SLC5A10: variants seen among roughly 807,000 people sequenced by gnomAD.
The protein encoded by SLC5A10 is solute carrier family 5 member 10.
A neutral mutation model predicts 68.9 loss-of-function variants in SLC5A10; 55 were observed. The ratio of observed to expected loss-of-function variants is 0.80; its 90% confidence interval spans 0.64 to 1.00. SLC5A10 has a LOEUF of 1.00. SLC5A10 is among the 50% of genes least tolerant of loss of function. The pLI is 0.00. For missense variants in SLC5A10, 732 were observed against 819.3 expected (o/e 0.89, Z 1.30); for synonymous variants, 344 against 344.8 (o/e 1.00, Z 0.02).
Position 18,976,775 on chromosome 17 carries a change from CCT to C in SLC5A10, c.847-78_847-77del, listed in dbSNP as rs1425266232. The stretch of plus-strand genomic sequence containing the variant: ...ACATCATCGTGCCTCATGCCCATTC[CCT>C]GAGGCCCACCAAGGACCAATCCTGA... On this transcript the variant is annotated intron_variant, in intron 8 of 14. Transcript: ENST00000395645. 38 of 1,565,196 alleles carry C rather than the reference CCT, an allele frequency of 2.4e-5. No individual in the cohort carries two copies. The East Asian group carries it at 7.9e-4, about 33-fold the overall frequency.
rs957715790 is a variant in SLC5A10, at chr17:19,022,378, C to T, written c.*1947C>T. 35 of 394,750 alleles carry T rather than the reference C, an allele frequency of 8.9e-5. No homozygotes were observed. Among genetic ancestry groups the T allele is most frequent in the African/African-American group, 1.2e-4 (6 of 48,478 alleles). 24.5% of individuals were successfully genotyped at this position (394,750 alleles called of 1,614,324 possible). A position where few individuals can be genotyped will look rare whatever the true frequency, so the allele number is the denominator to read the frequency against. ...TCTACATAGAACACGGCTTTCCCAG[C>T]CGCCCAGCTGGGACAATAGGGCTGG... On this transcript the variant is annotated 3_prime_UTR_variant, in exon 15 of 15. Transcript: ENST00000395645.
Position 18,968,932 on chromosome 17 carries a change from C to A in SLC5A10, c.454-120C>A. On this transcript the variant is annotated intron_variant, in intron 5 of 14. Coordinates refer to ENST00000395645, the MANE Select transcript of SLC5A10 (RefSeq NM_001042450.4). The surrounding 1 kb of genome is among the most constrained non-coding windows in gnomAD (Gnocchi z 4.1). ...TGCAGGCAGGCAGGCGAGTGGGGGT[C>A]TCCCCTCCTTATCCACAGGCCACCG... The A allele has an allele frequency of 2.5e-6, 2 of 806,996 alleles. No homozygotes were observed. Among genetic ancestry groups the A allele is most frequent in the Non-Finnish European group, 3.8e-6 (2 of 528,368 alleles). The allele number at this position is 806,996 out of a possible 1,614,324, so 50.0% of individuals were successfully genotyped here. A position where few individuals can be genotyped will look rare whatever the true frequency, so the allele number is the denominator to read the frequency against.
intron 9 of SLC5A10, among the ~76,000 whole-genome samples, chr17:18,982,173 G>A (rs2152014557): frequency 1.3e-5 from 2 of 152,366 alleles, no homozygotes; most frequent in Middle Eastern, 6.8e-3. Context: ...GTGACTCGAA[G>A]CAAGTCCCGG....
chr17:18,959,756 G>A, intron 4 of SLC5A10, 93 bp downstream of exon 4: 1 of 1,157,886 alleles, frequency 8.6e-7, no homozygotes, highest in Non-Finnish European at 1.3e-6. Flanking sequence ...CTCACATCAG[G>A]AGTTGGTAAA....
chr17:18,994,342 C>T (rs867190654), intron 9 of SLC5A10, among the ~76,000 whole-genome samples: 1 of 152,174 alleles, frequency 6.6e-6, no homozygotes, highest in Non-Finnish European at 1.5e-5. Context: ...GGAGGGGCGC[C>T]CCCGTGGAGT....
In SLC5A10 at chr17:18,971,538, G is replaced by A. The variant is rs2042853620; in HGVS notation, c.846+320G>A. ...CCATCGGTCATGGGGCGGGCATTTTGGGCCAGTCTTGGGCTGCCGGGATCC... is the reference window on the plus strand; with the variant it reads ...CCATCGGTCATGGGGCGGGCATTTTAGGCCAGTCTTGGGCTGCCGGGATCC... On this transcript the variant is annotated intron_variant, in intron 8 of 14. Coordinates refer to ENST00000395645, the MANE Select transcript of SLC5A10 (RefSeq NM_001042450.4). This position sits in a 1 kb window ranked among gnomAD's most constrained non-coding sequence, Gnocchi z 5.5. 6.2e-7 allele frequency: 1 copy of A among 1,613,962 alleles called. No individual in the cohort carries two copies.
intron 9 of SLC5A10, among the ~76,000 whole-genome samples, chr17:19,001,455 T>C (rs949310143): frequency 6.6e-6 from 1 of 152,116 alleles, no homozygotes; most frequent in Non-Finnish European, 1.5e-5. Context: ...TCCTGAGGGC[T>C]GGAAAAGCAG....
chr17:19,012,479 A>G (rs976402820), intron 9 of SLC5A10, among the ~76,000 whole-genome samples: 6 of 152,260 alleles, frequency 3.9e-5, no homozygotes, highest in African/African-American at 1.4e-4. Flanking sequence ...CTCACCTGCC[A>G]CAGGGAAGTG....
intron 9 of SLC5A10, among the ~76,000 whole-genome samples, chr17:18,987,531 A>T (rs979054204): frequency 2.0e-5 from 3 of 152,182 alleles, no homozygotes; most frequent in African/African-American, 7.2e-5. Context: ...TGGGCAGAAG[A>T]GCGTTGGACC....
intron 8 of SLC5A10, chr17:18,976,592 C>A: frequency 2.2e-6 from 1 of 464,368 alleles, no homozygotes; most frequent in Non-Finnish European, 3.8e-6. Context: ...GGGCAGGATC[C>A]ACACCTCCCC....
In SLC5A10 at chr17:18,952,270, T is replaced by A; in HGVS notation, c.65T>A (p.Ile22Asn). 6.2e-7 allele frequency: 1 copy of A among 1,613,960 alleles called. No individual in the cohort carries two copies. Residue 22 changes from isoleucine to asparagine, a missense_variant, in exon 1 of 15, where the codon ATC becomes AAC. Ile to Asn is a moderately radical substitution (Grantham distance 149). Coordinates refer to ENST00000395645, the MANE Select transcript of SLC5A10 (RefSeq NM_001042450.4). ...PGTQLSVADI[I>N]VITVYFALNV... ...ACGCAGCTGAGCGTGGCTGACATCA[T>A]CGTCATCACTGTGTATTTTGCTCTG...
At position 19,022,234 on chromosome 17, in the gene SLC5A10, CAGGTG is replaced by C; in HGVS notation, c.*1807_*1811del. 1 of 714,958 alleles carries C rather than the reference CAGGTG, an allele frequency of 1.4e-6. No individual in the cohort carries two copies. Among genetic ancestry groups the C allele is most frequent in the Non-Finnish European group, 2.2e-6 (1 of 453,520 alleles). The allele number at this position is 714,958 out of a possible 1,614,324, so 44.3% of individuals were successfully genotyped here. A position where few individuals can be genotyped will look rare whatever the true frequency, so the allele number is the denominator to read the frequency against. On this transcript the variant is annotated 3_prime_UTR_variant, in exon 15 of 15. Coordinates refer to ENST00000395645, the MANE Select transcript of SLC5A10 (RefSeq NM_001042450.4). ...GGCACCCAAGAGAAGTGATTTGCCACAGGTGAGGAGGGGTCTCGGGCAGCACCGGA... is the reference window on the plus strand; with the variant it reads ...GGCACCCAAGAGAAGTGATTTGCCACAGGAGGGGTCTCGGGCAGCACCGGA...
intron 9 of SLC5A10, chr17:18,978,549 G>T: frequency 6.2e-7 from 1 of 1,613,336 alleles, no homozygotes; most frequent in Non-Finnish European, 8.5e-7. Flanking sequence ...AGCCCCAGGG[G>T]CTTCTTGGCC....
chr17:18,964,941 G>A (rs1054332055), intron 5 of SLC5A10, among the ~76,000 whole-genome samples: 2 of 152,094 alleles, frequency 1.3e-5, no homozygotes, highest in African/African-American at 2.4e-5. Flanking sequence ...TCAGGAGTTC[G>A]AGACCAGCCT....
chr17:18,982,913 T>A (rs1361911005), intron 9 of SLC5A10, among the ~76,000 whole-genome samples: 1 of 152,210 alleles, frequency 6.6e-6, no homozygotes, highest in African/African-American at 2.4e-5. Context: ...GGTCTACTCA[T>A]CCTTGTGCTG....
In SLC5A10 at chr17:19,000,259, G is replaced by A. The variant is rs2043695718; in HGVS notation, c.983-13151G>A. 6.6e-6 allele frequency among the ~76,000 whole-genome samples: 1 copy of A among 152,166 alleles called. No individual in the cohort carries two copies. Among genetic ancestry groups the A allele is most frequent in the African/African-American group, 2.4e-5 (1 of 41,420 alleles). On this transcript the variant is annotated intron_variant, in intron 9 of 14. Transcript: ENST00000395645. This position sits in a 1 kb window ranked among gnomAD's most constrained non-coding sequence, Gnocchi z 5.2. Reference sequence around the variant, plus strand: ...GGAGGGCACAAGCTGCTGAGAGTGAGACCTGGGACCCACCCGCCTCTTGTC... The same window carrying A: ...GGAGGGCACAAGCTGCTGAGAGTGAAACCTGGGACCCACCCGCCTCTTGTC...
intron 9 of SLC5A10, among the ~76,000 whole-genome samples, chr17:19,010,145 A>G (rs2152149071): frequency 6.6e-6 from 1 of 152,210 alleles, no homozygotes; most frequent in South Asian, 2.1e-4. Flanking sequence ...AGCAGGGAAG[A>G]GCGTGGGCGG....
At chr17:18,962,093 CCCACCCCCATGCCAG>C (rs961371825) in intron 5 of SLC5A10, among the ~76,000 whole-genome samples, 16 of 152,250 alleles carry the variant, frequency 1.1e-4, no homozygotes, top group South Asian at 2.1e-4. Context: ...TGATCTCCAC[CCCACCCCCATGCCAG>C]CCACCCCCAT....
intron 9 of SLC5A10, chr17:18,988,370 G>A: frequency 6.2e-7 from 1 of 1,614,240 alleles, no homozygotes. Flanking sequence ...GCAGGTCCTT[G>A]AAGATGTCCA....
Sources: allele counts gnomAD v4.1 joint callset (sites outside exome capture counted in the v4.1 genomes callset), GRCh38; gene constraint gnomAD v4.1.1; non-coding constraint Gnocchi (gnomAD v3.1); transcripts MANE v1.5; gene names NCBI Gene and HGNC (gene_info 2026-07-23, HGNC 2026-07-21).